CEACAM4: variants seen among roughly 807,000 people sequenced by gnomAD.
CEACAM4 encodes cell adhesion molecule CEACAM4.
CEACAM4 carries 30 observed loss-of-function variants against 28.7 expected under a neutral mutation model. The ratio of observed to expected loss-of-function variants is 1.05; its 90% confidence interval spans 0.78 to 1.42. The LOEUF is 1.42. CEACAM4 is among the 40% of genes most tolerant of loss of function. The pLI, the probability that CEACAM4 is intolerant of heterozygous loss-of-function variation, is 0.00. For synonymous variants in CEACAM4, 143 were observed against 126.5 expected (o/e 1.13, Z -0.87); for missense variants, 330 against 308.2 (o/e 1.07, Z -0.53).
At position 41,620,578 on chromosome 19, in the gene CEACAM4, G is replaced by A. The variant is rs782362344; in HGVS notation, c.592C>T (p.Pro198Ser). 1 of 1,612,666 alleles carries A rather than the reference G, an allele frequency of 6.2e-7. No individual in the cohort carries two copies. Among genetic ancestry groups the A allele is most frequent in the African/African-American group, 1.3e-5 (1 of 74,974 alleles). The change falls in exon 4 of 7, where the codon CCT becomes TCT. Residue 198 changes from proline (P) to serine (S), a missense_variant. Coordinates refer to ENST00000221954, the MANE Select transcript of CEACAM4 (RefSeq NM_001817.4). ...LREQPPPAST[P>S]GHGPSHRSTF... ...CCTGGGCTGAAGGGACACTCACCAG[G>A]GGTGGAGGCTGGGGGCGGCTGCTCC... is the stretch of plus-strand genomic sequence containing the variant.
In CEACAM4 at chr19:41,620,221, G is replaced by T; in HGVS notation, c.617C>A (p.Ser206Tyr). Residue 206 changes from serine (S) to tyrosine (Y), a missense_variant, in exon 5 of 7, where the codon TCC (serine) becomes TAC (tyrosine). Ser to Tyr is a moderately radical substitution (Grantham distance 144). Transcript: ENST00000221954. The part of the protein sequence containing the change: ...STPGHGPSHR[S>Y]TFSAPLPSPR... ...AGGGAACAGGCTTACCGAGAAGGTG[G>T]ATCTGTGAGAGGGACCATGGCCTGG... The T allele has an allele frequency of 2.0e-6, 3 of 1,491,174 alleles. No individual in the cohort carries two copies. Among genetic ancestry groups the T allele is most frequent in the Admixed American group, 2.7e-5 (1 of 37,272 alleles). The allele number at this position is 1,491,174 out of a possible 1,614,324, so 92.4% of individuals were successfully genotyped here.
At chr19:41,626,516 A>G (rs1054712460) in intron 1 of CEACAM4, among the ~76,000 whole-genome samples, 13 of 152,194 alleles carry the variant, frequency 8.5e-5, no homozygotes, top group African/African-American at 3.1e-4. Context: ...AGGGCCTCCA[A>G]GTCCTGAGGT....
chr19:41,625,436 A>G, intron 2 of CEACAM4, 165 bp downstream of exon 2: 1 of 818,832 alleles, frequency 1.2e-6, no homozygotes. Context: ...AGGAATTCTG[A>G]TCTGTTGAAG....
At chr19:41,620,720 G>T (rs2071227016) in intron 3 of CEACAM4, 93 bp from the exon 4 acceptor site, 2 of 1,078,352 alleles carry the variant, frequency 1.9e-6, no homozygotes, top group East Asian at 2.5e-5. Context: ...CATTTTCAAG[G>T]ACTGGAGTGA....
At chr19:41,617,936 T>C (rs938436327), downstream of CEACAM4, among the ~76,000 whole-genome samples, 9 of 150,140 alleles carry the variant, frequency 6.0e-5, no homozygotes, top group Non-Finnish European at 1.3e-4. Context: ...TAAATCCTGA[T>C]GCAAATCCCG....
chr19:41,613,507 AC>A, the CEACAM4 span, among the ~76,000 whole-genome samples: 69 of 152,044 alleles, frequency 4.5e-4, no homozygotes, highest in Non-Finnish European at 9.0e-4. Context: ...ACACACACAC[AC>A]ACACACACAC....
chr19:41,615,496 A>C (rs116190097), downstream of CEACAM4, among the ~76,000 whole-genome samples: 2,142 of 152,098 alleles, frequency 0.014, 45 homozygotes, highest in African/African-American at 0.048. Flanking sequence ...CATTTTTCTT[A>C]AAATGTACAT....
chr19:41,621,545 T>C, intron 3 of CEACAM4, 106 bp downstream of exon 3: 1 of 635,686 alleles, frequency 1.6e-6, no homozygotes, highest in Non-Finnish European at 2.9e-6. Flanking sequence ...GAAGGATTCC[T>C]TGGGAGGATG....
chr19:41,614,391 T>C (rs2122387370), downstream of CEACAM4, among the ~76,000 whole-genome samples: 1 of 152,278 alleles, frequency 6.6e-6, no homozygotes, highest in Non-Finnish European at 1.5e-5. Flanking sequence ...AGAAGTAGGA[T>C]AGTGGTCAGA....
chr19:41,623,093 C>T (rs765909877), intron 2 of CEACAM4, among the ~76,000 whole-genome samples: 2 of 152,086 alleles, frequency 1.3e-5, no homozygotes, highest in Non-Finnish European at 2.9e-5. Context: ...CTAGGCTCAC[C>T]GCAACCTCCG....
At chr19:41,614,876 G>A (rs1331590733), downstream of CEACAM4, among the ~76,000 whole-genome samples, 1 of 146,696 alleles carries the variant, frequency 6.8e-6, no homozygotes, top group East Asian at 2.2e-4. Context: ...TAGGTGGATG[G>A]GTATGTTTGG....
At chr19:41,614,265 C>T (rs1417366839), downstream of CEACAM4, among the ~76,000 whole-genome samples, 7 of 152,234 alleles carry the variant, frequency 4.6e-5, no homozygotes, top group African/African-American at 1.7e-4. Context: ...GAGCTCATTC[C>T]TTCAACATGT....
chr19:41,625,640 A>C lies in CEACAM4; in HGVS notation c.385T>G (p.Tyr129Asp). The change falls in exon 2 of 7, where the codon TAC becomes GAC. Residue 129 changes from tyrosine (Y) to aspartate (D), a missense_variant. Transcript: ENST00000221954. ...TGGCCAGTTGCTTGGTCAGAGTCGT[A>C]ACTGGCATTTATGGTTCGTAGGGTG... ...SYTLRTINASYDSDQATGQLH... is the reference protein window; with the variant it reads ...SYTLRTINASDDSDQATGQLH... 1.3e-6 allele frequency: 2 copies of C among 1,597,396 alleles called. No individual in the cohort carries two copies. Among genetic ancestry groups the C allele is most frequent in the Non-Finnish European group, 1.7e-6 (2 of 1,170,416 alleles).
the CEACAM4 span, among the ~76,000 whole-genome samples, chr19:41,613,731 G>A: frequency 6.6e-6 from 1 of 152,122 alleles, no homozygotes. Context: ...GGGTCAGTGG[G>A]GCAGTCATAC....
intron 2 of CEACAM4, among the ~76,000 whole-genome samples, chr19:41,622,275 G>C (rs1258473569): frequency 1.3e-5 from 2 of 151,914 alleles, no homozygotes; most frequent in Non-Finnish European, 2.9e-5. Flanking sequence ...ATGAAATTTC[G>C]CCATGTTGTC....
At chr19:41,621,601 G>C (rs1437723565) in intron 3 of CEACAM4, 50 bp downstream of exon 3, 1 of 1,035,432 alleles carries the variant, frequency 9.7e-7, no homozygotes. Flanking sequence ...CCTCCTCCCT[G>C]ACTGGGGTCA....
downstream of CEACAM4, among the ~76,000 whole-genome samples, chr19:41,615,016 T>G (rs764074810): frequency 6.6e-6 from 1 of 151,334 alleles, no homozygotes; most frequent in Non-Finnish European, 1.5e-5. Flanking sequence ...GCAGGCAACA[T>G]CACAAAGGTT....
Position 41,620,245 on chromosome 19 carries a change from G to A in CEACAM4, c.596-3C>T, listed in dbSNP as rs1555800647. On this transcript the variant is annotated splice_region_variant and splice_polypyrimidine_tract_variant and intron_variant, in intron 4 of 6. Transcript: ENST00000221954. ...GGATCTGTGAGAGGGACCATGGCCT[G>A]GGGACAGAGACAGGAGTGAGCAGCA... 6.8e-7 allele frequency: 1 copy of A among 1,479,798 alleles called. No individual in the cohort carries two copies. The highest frequency in any genetic ancestry group is 1.4e-5 in the South Asian group (1 of 69,256). 91.7% of individuals were successfully genotyped at this position (1,479,798 alleles called of 1,614,324 possible). A position where few individuals can be genotyped will look rare whatever the true frequency, so the allele number is the denominator to read the frequency against.
chr19:41,621,115 T>A (rs3890967), intron 3 of CEACAM4, among the ~76,000 whole-genome samples: 19,181 of 152,038 alleles, frequency 0.13, 1,656 homozygotes, highest in East Asian at 0.34. Context: ...CCTTGTCCTC[T>A]CTCTCTCCAC....
Sources: allele counts gnomAD v4.1 joint callset (sites outside exome capture counted in the v4.1 genomes callset), GRCh38; gene constraint gnomAD v4.1.1; transcripts MANE v1.5; gene names NCBI Gene and HGNC (gene_info 2026-07-23, HGNC 2026-07-21).